The following SH3RF1 variants were observed in gnomAD, a reference collection of about 807,000 sequenced individuals.
The protein encoded by SH3RF1 is SH3 domain containing ring finger 1.
A neutral mutation model predicts 74.0 loss-of-function variants in SH3RF1; 32 were observed. The ratio of observed to expected loss-of-function variants is 0.43; its 90% CI spans 0.33 to 0.58. The LOEUF (loss-of-function observed/expected upper bound fraction) is 0.58. Ranked by LOEUF, SH3RF1 falls within the 20% of genes least tolerant of loss-of-function variation. SH3RF1 has a pLI of 0.05. For synonymous variants in SH3RF1, 396 were observed against 439.6 expected (o/e 0.90, Z 1.24); for missense variants, 954 against 1,130.9 (o/e 0.84, Z 2.24).
chr4:169,245,750 C>G (rs1222653373), intron 2 of SH3RF1, among the ~76,000 whole-genome samples: 1 of 152,096 alleles, frequency 6.6e-6, no homozygotes, highest in East Asian at 1.9e-4. Flanking sequence ...AGACTGTAAC[C>G]TTGTAACTGC....
At chr4:169,183,356 C>A (rs1375026273) in intron 2 of SH3RF1, among the ~76,000 whole-genome samples, 1 of 152,198 alleles carries the variant, frequency 6.6e-6, no homozygotes, top group Non-Finnish European at 1.5e-5. Context: ...TCCTGGCTCA[C>A]TGCAACCTCC....
At chr4:169,148,728 T>C (rs531578507) in intron 4 of SH3RF1, among the ~76,000 whole-genome samples, 3 of 152,264 alleles carry the variant, frequency 2.0e-5, no homozygotes, top group Non-Finnish European at 1.5e-5. Context: ...GGGTTTTTTT[T>C]GGTTCTGTTT....
chr4:169,248,950 G>C (rs532777779), intron 2 of SH3RF1, among the ~76,000 whole-genome samples: 12 of 152,152 alleles, frequency 7.9e-5, no homozygotes, highest in Non-Finnish European at 1.6e-4. Flanking sequence ...AATTAGGGAC[G>C]GGCCCAGTGG....
intron 2 of SH3RF1, among the ~76,000 whole-genome samples, chr4:169,231,744 T>G (rs1173377203): frequency 1.3e-5 from 2 of 152,178 alleles, no homozygotes; most frequent in Admixed American, 6.5e-5. Flanking sequence ...CCTGGACAAC[T>G]AACGCCTCTT....
chr4:169,209,114 C>A (rs1191470532), intron 2 of SH3RF1, among the ~76,000 whole-genome samples: 2 of 151,898 alleles, frequency 1.3e-5, no homozygotes, highest in African/African-American at 4.8e-5. Flanking sequence ...CATGGTGAAA[C>A]CCCATCTCTA....
At chr4:169,127,900 C>T (rs928108779) in intron 6 of SH3RF1, among the ~76,000 whole-genome samples, 12 of 152,104 alleles carry the variant, frequency 7.9e-5, no homozygotes, top group Non-Finnish European at 1.3e-4. Flanking sequence ...AGAAGTGTTT[C>T]GGATTTTGAA....
chr4:169,218,308 G>T (rs2331606), intron 2 of SH3RF1, among the ~76,000 whole-genome samples: 131,364 of 139,852 alleles, frequency 0.94, 62,175 homozygotes, highest in East Asian at 1. Context: ...TATAAATATA[G>T]AATATAGAAT....
chr4:169,189,843 T>A (rs1021621377), intron 2 of SH3RF1, among the ~76,000 whole-genome samples: 12 of 152,102 alleles, frequency 7.9e-5, no homozygotes, highest in Non-Finnish European at 1.6e-4. Flanking sequence ...TCAATAAATG[T>A]TACCTCCTTT....
At chr4:169,147,855 G>A (rs774215344) in intron 4 of SH3RF1, among the ~76,000 whole-genome samples, 186 of 152,108 alleles carry the variant, frequency 1.2e-3, no homozygotes, top group Non-Finnish European at 2.3e-3. Context: ...TATAAGACAT[G>A]ACTTAACATT....
At chr4:169,128,748 A>C (rs1399947635) in intron 6 of SH3RF1, among the ~76,000 whole-genome samples, 8 of 152,320 alleles carry the variant, frequency 5.3e-5, no homozygotes, top group Admixed American at 3.9e-4. Context: ...TCTGGTCCTA[A>C]GCACTCTAGC....
chr4:169,152,075 T>C (rs1433838067), intron 4 of SH3RF1, among the ~76,000 whole-genome samples: 1 of 152,146 alleles, frequency 6.6e-6, no homozygotes, highest in East Asian at 1.9e-4. Context: ...CTGTATTCAG[T>C]CCTTAAAAAA....
At chr4:169,158,959 G>A (rs1315000490) in intron 2 of SH3RF1, among the ~76,000 whole-genome samples, 1 of 152,172 alleles carries the variant, frequency 6.6e-6, no homozygotes, top group Non-Finnish European at 1.5e-5. Flanking sequence ...ATGTGATGTT[G>A]TAGTTGGTTA....
chr4:169,173,167 C>T (rs964767170), intron 2 of SH3RF1, among the ~76,000 whole-genome samples: 15 of 152,066 alleles, frequency 9.9e-5, no homozygotes, highest in Admixed American at 8.5e-4. Context: ...TATTTTTCTT[C>T]GCCAACCACA....
chr4:169,255,296 T>C (rs1387620209), intron 2 of SH3RF1, among the ~76,000 whole-genome samples: 2 of 152,188 alleles, frequency 1.3e-5, no homozygotes, highest in African/African-American at 2.4e-5. Context: ...TTATTGAAAT[T>C]TGAAGCATAG....
intron 2 of SH3RF1, among the ~76,000 whole-genome samples, chr4:169,237,656 G>C (rs537286989): frequency 3.9e-5 from 6 of 152,144 alleles, no homozygotes; most frequent in African/African-American, 1.4e-4. Flanking sequence ...GTGAGTTCTG[G>C]ACAGATTTCA....
At chr4:169,113,121 T>TTC (rs1554003910) in intron 10 of SH3RF1, among the ~76,000 whole-genome samples, 24 of 151,188 alleles carry the variant, frequency 1.6e-4, no homozygotes, top group Non-Finnish European at 1.0e-4. Flanking sequence ...CTTTTTTTTT[T>TTC]CCCCCCTGAG....
chr4:169,236,539 A>AT (rs2127010317), intron 2 of SH3RF1, among the ~76,000 whole-genome samples: 1 of 152,348 alleles, frequency 6.6e-6, no homozygotes, highest in South Asian at 2.1e-4. Flanking sequence ...TAAACAAGTT[A>AT]TGTAACCTCT....
intron 2 of SH3RF1, among the ~76,000 whole-genome samples, chr4:169,188,862 A>G (rs764866631): frequency 1.5e-4 from 23 of 152,376 alleles, no homozygotes; most frequent in Non-Finnish European, 2.8e-4. Flanking sequence ...CTTCTCTTCT[A>G]TAATATTTTG....
In SH3RF1 at chr4:169,120,929, C is replaced by T; in HGVS notation, c.1407G>A (p.Gly469=). 2 of 1,614,164 alleles carry T rather than the reference C, an allele frequency of 1.2e-6. No homozygotes were observed. Among genetic ancestry groups the T allele is most frequent in the Non-Finnish European group, 1.7e-6 (2 of 1,180,012 alleles). Residue 469 remains glycine, a synonymous_variant, in exon 8 of 12, where the codon GGG becomes GGA. Transcript: ENST00000284637. ...AGCGCTCAAACACTAAAAACATCTC[C>T]CCTTTTCTCAGCTCTAGTTCATCCT... The part of the protein sequence containing the change: ...RKEDELELRK[G]EMFLVFERCQ...
Sources: allele counts gnomAD v4.1 joint callset (sites outside exome capture counted in the v4.1 genomes callset), GRCh38; gene constraint gnomAD v4.1.1; transcripts MANE v1.5; gene names NCBI Gene and HGNC (gene_info 2026-07-23, HGNC 2026-07-21).